Variants in CRISP2 observed in about 807,000 individuals in gnomAD.
CRISP2 encodes cysteine rich secretory protein 2, also known as cysteine-rich secretory protein 2.
A neutral mutation model predicts 31.7 loss-of-function variants in CRISP2; 29 were observed. The observed-to-expected ratio is 0.92, with a 90% CI of 0.68 to 1.25. CRISP2 has a LOEUF of 1.25. Among genes scored for constraint, CRISP2 ranks in the 50% most tolerant of loss-of-function variants. The pLI, the probability that CRISP2 is intolerant of heterozygous loss-of-function variation, is 0.00. For synonymous variants in CRISP2, 111 were observed against 101.4 expected (o/e 1.09, Z -0.57); for missense variants, 318 against 286.5 (o/e 1.11, Z -0.79).
chr6:49,689,754 C>T (rs1329114164), downstream of CRISP2, among the ~76,000 whole-genome samples: 1 of 152,036 alleles, frequency 6.6e-6, no homozygotes, highest in African/African-American at 2.4e-5. Flanking sequence ...AATGGAGGAA[C>T]TTATCACATT....
the CRISP2 span, among the ~76,000 whole-genome samples, chr6:49,678,805 T>C: frequency 6.6e-6 from 1 of 152,024 alleles, no homozygotes; most frequent in Non-Finnish European, 1.5e-5. Flanking sequence ...GAAAAAGAGG[T>C]TAGGTGGCCA....
chr6:49,689,581 G>A (rs1763985761), downstream of CRISP2, among the ~76,000 whole-genome samples: 1 of 151,866 alleles, frequency 6.6e-6, no homozygotes, highest in African/African-American at 2.4e-5. Flanking sequence ...TATAAAATAG[G>A]TATAAAAATT....
At chr6:49,702,458 A>G (rs1336574220) in intron 4 of CRISP2, among the ~76,000 whole-genome samples, 1 of 151,300 alleles carries the variant, frequency 6.6e-6, no homozygotes, top group African/African-American at 2.4e-5. Context: ...TTCCACATCC[A>G]CACCGGTATC....
chr6:49,678,055 G>C, the CRISP2 span, among the ~76,000 whole-genome samples: 1 of 152,054 alleles, frequency 6.6e-6, no homozygotes, highest in Non-Finnish European at 1.5e-5. Context: ...AACCTCAGAA[G>C]GACTTCTGAG....
the CRISP2 span, among the ~76,000 whole-genome samples, chr6:49,679,144 A>G: frequency 6.6e-6 from 1 of 152,186 alleles, no homozygotes; most frequent in African/African-American, 2.4e-5. Context: ...ACACATTGGT[A>G]GTCTTATCAT....
upstream of CRISP2, chr6:49,713,672 C>G (rs763886892): frequency 2.0e-5 from 3 of 152,278 alleles, no homozygotes; most frequent in African/African-American, 7.2e-5. Context: ...CCCGCCTCCC[C>G]TACTACGGAG....
At chr6:49,677,237 G>A in the CRISP2 span, among the ~76,000 whole-genome samples, 4 of 152,118 alleles carry the variant, frequency 2.6e-5, no homozygotes, top group African/African-American at 4.8e-5. Flanking sequence ...CAAATGTATT[G>A]TGATACGTTC....
chr6:49,698,244 C>A (rs552048720), intron 7 of CRISP2, 118 bp downstream of exon 7: 362 of 1,198,184 alleles, frequency 3.0e-4, no homozygotes, highest in Non-Finnish European at 4.2e-4. Flanking sequence ...AATGCCAAGA[C>A]TGTATTCTAC....
At chr6:49,711,823 G>T (rs757297538) in intron 2 of CRISP2, among the ~76,000 whole-genome samples, 1 of 152,128 alleles carries the variant, frequency 6.6e-6, no homozygotes, top group African/African-American at 2.4e-5. Flanking sequence ...GTAAAATGTA[G>T]ATTTTTATAT....
chr6:49,686,742 A>T, the CRISP2 span, among the ~76,000 whole-genome samples: 2 of 152,324 alleles, frequency 1.3e-5, no homozygotes, highest in East Asian at 3.9e-4. Context: ...TACTATAAAG[A>T]CACATGCACA....
At position 49,698,267 on chromosome 6, in the gene CRISP2, T is replaced by G. The variant is rs562434776; in HGVS notation, c.417+95A>C. Reference sequence around the variant, plus strand: ...GACTGTATTCTACCCACTCGGACTGTTCTCCTAAATTGAACATTACAGTGG... The same window carrying G: ...GACTGTATTCTACCCACTCGGACTGGTCTCCTAAATTGAACATTACAGTGG... On this transcript the variant is annotated intron_variant, in intron 7 of 9. Transcript: ENST00000339139. The G allele has an allele frequency of 1.3e-5, 18 of 1,400,638 alleles. No individual in the cohort carries two copies. In the Admixed American group the frequency reaches 1.6e-4, roughly 12 times the overall value. 86.8% of individuals were successfully genotyped at this position (1,400,638 alleles called of 1,614,324 possible).
rs1379375376 is a variant in CRISP2, at chr6:49,692,769, T to TA, written c.*3dup. On this transcript the variant is annotated 3_prime_UTR_variant, in exon 10 of 10. Coordinates refer to ENST00000339139, the MANE Select transcript of CRISP2 (RefSeq NM_003296.4). ...GCAGTCTTGCACAATGCTCACTAGG[T>TA]AAATCAGTAAATTTTGTTCTCACAT... 6.2e-7 allele frequency: 1 copy of TA among 1,612,364 alleles called. No homozygotes were observed. Among genetic ancestry groups the TA allele is most frequent in the East Asian group, 2.2e-5 (1 of 44,814 alleles).
rs574220366 is a variant in CRISP2 at position 49,700,696 on chromosome 6, G to A, written c.155C>T (p.Ser52Phe). The A allele has an allele frequency of 5.0e-6, 8 of 1,611,460 alleles. No individual in the cohort carries two copies. The highest frequency in any genetic ancestry group is 2.7e-5 in the African/African-American group (2 of 74,782). Residue 52 changes from serine (S) to phenylalanine (F), a missense_variant, in exon 5 of 10, where the codon TCT (serine) becomes TTT (phenylalanine). By Grantham distance (155) the Ser-to-Phe change is radical. Transcript: ENST00000339139. ...NKHNELRKAVSPPASNMLKME... is the reference protein window; with the variant it reads ...NKHNELRKAVFPPASNMLKME... ...CTTTAGCATGTTACTGGCAGGTGGA[G>A]AGACTGCTTTCCTTAGTTCATTGTG...
chr6:49,696,501 G>T (rs1000251738), intron 8 of CRISP2, among the ~76,000 whole-genome samples: 2 of 151,268 alleles, frequency 1.3e-5, no homozygotes, highest in Admixed American at 1.3e-4. Flanking sequence ...GCTTAGGAAG[G>T]TTTGTGAGCT....
rs1393498680 is a variant in CRISP2, at chr6:49,709,090, T to C, written c.66+41A>G. 7.6e-6 allele frequency: 12 copies of C among 1,573,098 alleles called. No individual in the cohort carries two copies. The Admixed American group carries it at 1.5e-4, about 20-fold the overall frequency. On this transcript the variant is annotated intron_variant, in intron 4 of 9. Coordinates refer to ENST00000339139, the MANE Select transcript of CRISP2 (RefSeq NM_003296.4). ...CAGAATAGCCTGCCATACCACAAAG[T>C]TGCTGGATAGCTCTGAAAAGATTTT...
chr6:49,682,587 TTTTCTTTCTTTCTTTC>T, the CRISP2 span, among the ~76,000 whole-genome samples: 204 of 83,638 alleles, frequency 2.4e-3, no homozygotes, highest in African/African-American at 5.2e-3. Context: ...CTTTCTTTCT[TTTTCTTTCTTTCTTTC>T]TTTCTTTCTT....
chr6:49,679,691 T>TG, the CRISP2 span, among the ~76,000 whole-genome samples: 1,426 of 151,498 alleles, frequency 9.4e-3, 17 homozygotes, highest in African/African-American at 0.032. Flanking sequence ...GTGTTGTTGT[T>TG]TTTTTTTGAC....
chr6:49,696,032 T>C lies in CRISP2; in HGVS notation c.516-108A>G, dbSNP rs550260747. On this transcript the variant is annotated intron_variant, in intron 8 of 9. Transcript: ENST00000339139. The stretch of plus-strand genomic sequence containing the variant: ...ATAGTTATTCAGGGTTTTTAGTATG[T>C]TAACAAAACTGAAAAATTACAATTC... 4 of 599,750 alleles carry C rather than the reference T, an allele frequency of 6.7e-6. No homozygotes were observed. The East Asian group carries it at 9.5e-5, about 14-fold the overall frequency. The allele number at this position is 599,750 out of a possible 1,614,324, so 37.2% of individuals were successfully genotyped here.
intron 4 of CRISP2, among the ~76,000 whole-genome samples, chr6:49,701,716 A>AC (rs1434401055): frequency 1.6e-5 from 1 of 61,872 alleles, no homozygotes; most frequent in Non-Finnish European, 3.1e-5. Flanking sequence ...ATACATATAT[A>AC]ATGTATATAT....
Sources: allele counts gnomAD v4.1 joint callset (sites outside exome capture counted in the v4.1 genomes callset), GRCh38; gene constraint gnomAD v4.1.1; transcripts MANE v1.5; gene names NCBI Gene and HGNC (gene_info 2026-07-23, HGNC 2026-07-21).